Variants in NAV3 observed in about 807,000 individuals in gnomAD.
NAV3 encodes pore membrane and/or filament interacting like protein 1.
Under a neutral mutation model 244.7 loss-of-function variants are expected in NAV3, and 87 were observed. The ratio of observed to expected loss-of-function variants is 0.36; its 90% CI spans 0.30 to 0.42. The LOEUF (loss-of-function observed/expected upper bound fraction) is 0.42. Among genes scored for constraint, NAV3 ranks in the 20% least tolerant of loss-of-function variants. The pLI is 1.00. For synonymous variants in NAV3, 1,126 were observed against 1,042.2 expected (o/e 1.08, Z -1.55); for missense variants, 2,663 against 2,893.3 (o/e 0.92, Z 1.83).
chr12:77,901,097 A>G lies in NAV3; in HGVS notation c.244-39222A>G, dbSNP rs1414160931. On this transcript the variant is annotated intron_variant, in intron 1 of 39. Transcript: ENST00000397909. Reference sequence around the variant, plus strand: ...AGGTTATTTGTTGTTTGCTTTGATTAAGTTCCTTACAGATTCTGGATATTA... The same window carrying G: ...AGGTTATTTGTTGTTTGCTTTGATTGAGTTCCTTACAGATTCTGGATATTA... Among the ~76,000 whole-genome samples the G allele has an allele frequency of 6.6e-5, 10 of 151,942 alleles. No individual in the cohort carries two copies. The South Asian group carries it at 8.3e-4, about 13-fold the overall frequency.
At chr12:78,157,777 G>A (rs1331468560) in intron 22 of NAV3, among the ~76,000 whole-genome samples, 1 of 151,516 alleles carries the variant, frequency 6.6e-6, no homozygotes, top group Non-Finnish European at 1.5e-5. Flanking sequence ...GAGAGTGGGT[G>A]TGTTTGTGTG....
At chr12:77,842,567 G>C (rs1875864130) in intron 1 of NAV3, among the ~76,000 whole-genome samples, 1 of 150,568 alleles carries the variant, frequency 6.6e-6, no homozygotes, top group Admixed American at 6.7e-5. Context: ...CGGGATACTA[G>C]ATGATGCCAA....
At chr12:77,639,981 T>C (rs1161493086) in intron 2 of NAV3, among the ~76,000 whole-genome samples, 1 of 152,262 alleles carries the variant, frequency 6.6e-6, no homozygotes, top group East Asian at 1.9e-4. Flanking sequence ...CTCCATGGTG[T>C]AGGGAATGAC....
At chr12:77,804,993 C>G (rs1188056747) in intron 2 of NAV3, among the ~76,000 whole-genome samples, 1 of 151,912 alleles carries the variant, frequency 6.6e-6, no homozygotes, top group Non-Finnish European at 1.5e-5. Flanking sequence ...TGTATAGAAA[C>G]GCTTCTGATT....
intron 20 of NAV3, among the ~76,000 whole-genome samples, chr12:78,142,544 G>A (rs1025945660): frequency 1.3e-5 from 2 of 151,460 alleles, no homozygotes; most frequent in Non-Finnish European, 2.9e-5. Context: ...AACACAAGGG[G>A]TACATTTGTA....
intron 1 of NAV3, among the ~76,000 whole-genome samples, chr12:77,898,565 T>C (rs1884899843): frequency 6.6e-6 from 1 of 152,236 alleles, no homozygotes; most frequent in Non-Finnish European, 1.5e-5. Flanking sequence ...TTCACTGTTT[T>C]AGGCAAAGTA....
intron 2 of NAV3, among the ~76,000 whole-genome samples, chr12:77,609,728 A>G (rs1301571496): frequency 8.2e-6 from 1 of 122,164 alleles, no homozygotes; most frequent in Admixed American, 7.9e-5. Flanking sequence ...CTGAGTGACA[A>G]GTTGTAATCA....
At chr12:77,653,415 G>A (rs1872920019) in intron 2 of NAV3, among the ~76,000 whole-genome samples, 1 of 152,080 alleles carries the variant, frequency 6.6e-6, no homozygotes, top group Non-Finnish European at 1.5e-5. Context: ...GAAAAGAGGA[G>A]GCTGTCTCAA....
At chr12:78,110,313 C>T (rs1000613026) in intron 12 of NAV3, among the ~76,000 whole-genome samples, 1 of 151,978 alleles carries the variant, frequency 6.6e-6, no homozygotes, top group African/African-American at 2.4e-5. Context: ...AGAAACATCC[C>T]ATGTTTATGG....
chr12:78,109,046 T>A (rs1954948331), intron 12 of NAV3, among the ~76,000 whole-genome samples: 1 of 151,624 alleles, frequency 6.6e-6, no homozygotes, highest in African/African-American at 2.4e-5. Flanking sequence ...TAAATAAAAT[T>A]GATAAACCAC....
chr12:77,917,278 G>T (rs755249943), intron 1 of NAV3, among the ~76,000 whole-genome samples: 4 of 151,976 alleles, frequency 2.6e-5, no homozygotes, highest in African/African-American at 9.6e-5. Context: ...ATTTACCCAA[G>T]ATTATAAAGG....
chr12:77,693,561 G>A (rs1362523694), intron 2 of NAV3, among the ~76,000 whole-genome samples: 1 of 151,986 alleles, frequency 6.6e-6, no homozygotes, highest in African/African-American at 2.4e-5. Flanking sequence ...CTTGTTACTT[G>A]CAAAGGACTC....
At chr12:77,764,860 A>C (rs546341246) in intron 2 of NAV3, among the ~76,000 whole-genome samples, 2 of 152,366 alleles carry the variant, frequency 1.3e-5, no homozygotes, top group South Asian at 4.1e-4. Context: ...TTTGGAAACT[A>C]TCCCAGTTCG....
chr12:78,185,478 A>G (rs994451265), intron 30 of NAV3, 123 bp from the exon 31 acceptor site: 1 of 749,332 alleles, frequency 1.3e-6, no homozygotes, highest in Non-Finnish European at 2.1e-6. Flanking sequence ...CAAATCAGTT[A>G]GGCTAGAATG....
At chr12:78,202,878 T>G (rs1959867051) in intron 38 of NAV3, among the ~76,000 whole-genome samples, 1 of 152,092 alleles carries the variant, frequency 6.6e-6, no homozygotes, top group African/African-American at 2.4e-5. Context: ...TCGTGATCCA[T>G]TCCCATGGAT....
At chr12:77,618,441 G>T (rs558572628) in intron 2 of NAV3, among the ~76,000 whole-genome samples, 3 of 152,054 alleles carry the variant, frequency 2.0e-5, no homozygotes, top group Admixed American at 6.6e-5. Flanking sequence ...ACTAGAAATG[G>T]CATACATTTT....
intron 3 of NAV3, among the ~76,000 whole-genome samples, chr12:77,954,249 A>G (rs1891159363): frequency 2.0e-5 from 3 of 152,188 alleles, no homozygotes; most frequent in African/African-American, 4.8e-5. Context: ...TTTCATTCTT[A>G]CATTCAACCA....
chr12:77,857,644 T>C (rs1878592339), intron 1 of NAV3, among the ~76,000 whole-genome samples: 1 of 151,858 alleles, frequency 6.6e-6, no homozygotes, highest in South Asian at 2.1e-4. Flanking sequence ...GACATTACTT[T>C]AGTGTGAAAA....
chr12:77,723,903 T>C (rs1005729575), intron 2 of NAV3, among the ~76,000 whole-genome samples: 8 of 151,802 alleles, frequency 5.3e-5, no homozygotes, highest in African/African-American at 1.9e-4. Context: ...GCTTCATACA[T>C]ATGAGATTTA....
Sources: gnomAD v4.1 joint callset for allele counts (sites outside exome capture counted in the v4.1 genomes callset) on GRCh38, gnomAD v4.1.1 for gene constraint, MANE v1.5 for transcripts, NCBI Gene and HGNC (gene_info 2026-07-23, HGNC 2026-07-21) for gene names.